The following CTPS1 variants were observed in gnomAD, a reference collection of about 807,000 sequenced individuals.
CTPS1 encodes the protein CTP synthase 1.
In CTPS1, 25 loss-of-function variants were observed where a neutral mutation model predicts 80.5. The observed-to-expected ratio is 0.31, with a 90% CI of 0.23 to 0.43. The LOEUF (loss-of-function observed/expected upper bound fraction) is 0.43, where lower values mean the gene tolerates loss of function less well. CTPS1 is among the 20% of genes least tolerant of loss of function. The pLI is 1.00. For synonymous variants in CTPS1, 267 were observed against 252.5 expected, an observed-to-expected ratio of 1.06 and a Z score of -0.54; for missense variants, 442 against 725.7, an observed-to-expected ratio of 0.61 and a Z score of 4.49.
intron 17 of CTPS1, 116 bp from the exon 18 acceptor site, chr1:41,010,045 T>C (rs1643130085): frequency 1.5e-6 from 1 of 658,960 alleles, no homozygotes; most frequent in Admixed American, 2.7e-5. Context: ...GCAAACAGTC[T>C]TTGTGATTCC....
At chr1:40,993,768 T>TTC (rs1209753590) in intron 7 of CTPS1, among the ~76,000 whole-genome samples, 7 of 143,508 alleles carry the variant, frequency 4.9e-5, no homozygotes, top group Non-Finnish European at 7.6e-5. Flanking sequence ...TTTCATTTTC[T>TTC]TCTCTCTTTT....
At chr1:40,982,109 G>A (rs1425058510) in intron 1 of CTPS1, 3 of 727,152 alleles carry the variant, frequency 4.1e-6, no homozygotes, top group African/African-American at 3.7e-5. Flanking sequence ...TAAATCCTCC[G>A]TGGTGAGCCT....
rs760824348 is a variant in CTPS1 at position 41,009,552 on chromosome 1, T to G, written c.1654T>G (p.Ser552Ala). Residue 552 changes from serine to alanine, a missense_variant, in exon 17 of 19, where the codon TCA becomes GCA. Ser to Ala is a moderately conservative substitution (Grantham distance 99). Coordinates refer to ENST00000650070, the MANE Select transcript of CTPS1 (RefSeq NM_001905.4). ...CCTCCTGGCCTCTGTGGGGCGGCTC[T>G]CACATTACCTCCAGAAAGGCTGCAG... ...GLLLASVGRL[S>A]HYLQKGCRLS... 6.2e-7 allele frequency: 1 copy of G among 1,614,044 alleles called. No homozygotes were observed. The highest frequency in any genetic ancestry group is 1.3e-5 in the African/African-American group (1 of 74,908).
intron 3 of CTPS1, among the ~76,000 whole-genome samples, chr1:40,985,728 C>T (rs982975236): frequency 1.3e-5 from 2 of 152,128 alleles, no homozygotes; most frequent in African/African-American, 4.8e-5. Context: ...ACAGCTGGCT[C>T]TGGTCTGGGG....
At position 41,007,705 on chromosome 1, in the gene CTPS1, G is replaced by A. The variant is rs116393319; in HGVS notation, c.1393+160G>A. On this transcript the variant is annotated intron_variant, in intron 14 of 18. Coordinates refer to ENST00000650070, the MANE Select transcript of CTPS1 (RefSeq NM_001905.4). This position sits in a 1 kb window ranked among gnomAD's most constrained non-coding sequence, Gnocchi z 4.4. ...TCTCTTATTCATACCCTTTTAGGAT[G>A]CACTGTGATAGCCATAGAAGCAGTG... Among the ~76,000 whole-genome samples the A allele has an allele frequency of 2.5e-4, 38 of 152,288 alleles. No homozygotes were observed. Among genetic ancestry groups the A allele is most frequent in the African/African-American group, 8.9e-4 (37 of 41,558 alleles).
chr1:41,005,339 G>C (rs1361907382), intron 12 of CTPS1, among the ~76,000 whole-genome samples: 1 of 152,096 alleles, frequency 6.6e-6, no homozygotes, highest in Non-Finnish European at 1.5e-5. Context: ...AGCTACTCGG[G>C]AGGCTGAGAC....
At chr1:40,995,599 A>G (rs1354785757) in intron 7 of CTPS1, among the ~76,000 whole-genome samples, 2 of 152,026 alleles carry the variant, frequency 1.3e-5, no homozygotes, top group Non-Finnish European at 1.5e-5. Flanking sequence ...GTGTTTTACC[A>G]TATTGCCCAG....
intron 4 of CTPS1, among the ~76,000 whole-genome samples, chr1:40,987,915 C>T: frequency 6.6e-6 from 1 of 152,098 alleles, no homozygotes; most frequent in Admixed American, 6.6e-5. Context: ...TTGTTTATAA[C>T]TAATACTTTT....
intron 7 of CTPS1, among the ~76,000 whole-genome samples, chr1:40,992,175 T>G (rs1570953675): frequency 6.6e-6 from 1 of 152,344 alleles, no homozygotes; most frequent in East Asian, 1.9e-4. Context: ...TCCTGTTGGC[T>G]TGGCAGTCTC....
intron 7 of CTPS1, among the ~76,000 whole-genome samples, chr1:40,993,251 A>T (rs1406552718): frequency 6.6e-6 from 1 of 151,778 alleles, no homozygotes; most frequent in East Asian, 1.9e-4. Context: ...GTGTTTTGCC[A>T]TGCGGGCCAA....
chr1:41,009,369 T>C (rs1643112516), intron 16 of CTPS1, 76 bp from the exon 17 acceptor site: 1 of 1,404,796 alleles, frequency 7.1e-7, no homozygotes, highest in African/African-American at 1.5e-5. Context: ...AAACAAACAT[T>C]TAAGCAGATT....
At chr1:40,996,820 T>C (rs1642763811) in intron 8 of CTPS1, among the ~76,000 whole-genome samples, 1 of 152,228 alleles carries the variant, frequency 6.6e-6, no homozygotes, top group Admixed American at 6.5e-5. Flanking sequence ...ATGAAAACTT[T>C]TAATGAGTGT....
At chr1:41,004,898 T>C (rs1426232464) in intron 12 of CTPS1, among the ~76,000 whole-genome samples, 1 of 146,352 alleles carries the variant, frequency 6.8e-6, no homozygotes, top group Non-Finnish European at 1.5e-5. Context: ...GGAGGCTGAG[T>C]TGGGTTAATC....
chr1:40,990,878 ATG>A (rs1642589259), intron 5 of CTPS1, among the ~76,000 whole-genome samples: 1 of 152,214 alleles, frequency 6.6e-6, no homozygotes, highest in African/African-American at 2.4e-5. Context: ...CTCCAAGTAA[ATG>A]TGGAGAAGTA....
chr1:40,992,410 A>G (rs1318879764), intron 7 of CTPS1, among the ~76,000 whole-genome samples: 1 of 152,110 alleles, frequency 6.6e-6, no homozygotes, highest in Non-Finnish European at 1.5e-5. Flanking sequence ...TCTGGAGGGC[A>G]AGGGCCACCT....
chr1:40,999,920 T>C (rs879798435), intron 9 of CTPS1, among the ~76,000 whole-genome samples: 1 of 152,122 alleles, frequency 6.6e-6, no homozygotes, highest in Admixed American at 6.5e-5. Context: ...GGCTCTGCTG[T>C]GGGAGGATCG....
rs768847048 is a variant in CTPS1, at chr1:41,009,572, C to G, written c.1674C>G (p.Gly558=). The change falls in exon 17 of 19, where the codon GGC becomes GGG. Residue 558 remains glycine, a synonymous_variant. Transcript: ENST00000650070. The stretch of plus-strand genomic sequence containing the variant: ...GGCTCTCACATTACCTCCAGAAAGG[C>G]TGCAGGCTCTCACCCAGGTAGGCGC... ...VGRLSHYLQK[G]CRLSPRDTYS... The G allele has an allele frequency of 1.2e-4, 201 of 1,614,046 alleles. No individual in the cohort carries two copies. The highest frequency in any genetic ancestry group is 1.7e-4 in the Non-Finnish European group (196 of 1,180,042).
chr1:40,996,181 C>G, intron 8 of CTPS1, 113 bp downstream of exon 8: 1 of 1,127,798 alleles, frequency 8.9e-7, no homozygotes, highest in South Asian at 1.4e-5. Flanking sequence ...GCCATCCACT[C>G]ATTAGAAGAG....
At chr1:40,998,620 T>C (rs1642822898) in intron 9 of CTPS1, among the ~76,000 whole-genome samples, 1 of 152,172 alleles carries the variant, frequency 6.6e-6, no homozygotes, top group Non-Finnish European at 1.5e-5. Flanking sequence ...GCCTGGCATA[T>C]GGTAAGCACT....
Sources: gnomAD v4.1 joint callset for allele counts (sites outside exome capture counted in the v4.1 genomes callset) on GRCh38, gnomAD v4.1.1 for gene constraint, Gnocchi (gnomAD v3.1) non-coding constraint, MANE v1.5 for transcripts, NCBI Gene and HGNC (gene_info 2026-07-23, HGNC 2026-07-21) for gene names.